SPAG16: variants seen among roughly 807,000 people sequenced by gnomAD.
SPAG16 encodes the protein sperm-associated antigen 16 protein.
SPAG16 carries 86 observed loss-of-function variants against 80.4 expected under a neutral mutation model. That is an observed-to-expected ratio of 1.07 (90% confidence interval 0.90 to 1.28). The LOEUF (loss-of-function observed/expected upper bound fraction) is 1.28, where lower values mean the gene tolerates loss of function less well. Ranked by LOEUF, SPAG16 falls within the 50% of genes most tolerant of loss-of-function variation. The pLI is 0.00. For synonymous variants in SPAG16, 294 were observed against 265.9 expected, an observed-to-expected ratio of 1.11 and a Z score of -1.03; for missense variants, 870 against 765.3, an observed-to-expected ratio of 1.14 and a Z score of -1.61.
At chr2:214,109,536 T>A (rs898103779) in intron 14 of SPAG16, among the ~76,000 whole-genome samples, 8 of 152,216 alleles carry the variant, frequency 5.3e-5, no homozygotes, top group African/African-American at 1.9e-4. Context: ...CAAAATTCTG[T>A]TACCATCCTG....
chr2:213,342,814 A>G (rs2064769751), intron 6 of SPAG16, among the ~76,000 whole-genome samples: 1 of 151,874 alleles, frequency 6.6e-6, no homozygotes, highest in African/African-American at 2.4e-5. Context: ...GAAAATTGGC[A>G]AAGCAGGACC....
At chr2:213,494,887 T>C (rs2125749827) in intron 10 of SPAG16, among the ~76,000 whole-genome samples, 1 of 152,340 alleles carries the variant, frequency 6.6e-6, no homozygotes, top group Non-Finnish European at 1.5e-5. Flanking sequence ...TCCAAGGTCT[T>C]TCCACTACCT....
chr2:213,310,207 T>C, intron 4 of SPAG16, 30 bp downstream of exon 4: 1 of 1,439,204 alleles, frequency 6.9e-7, no homozygotes, highest in Non-Finnish European at 9.7e-7. Flanking sequence ...AATAGTTCTC[T>C]TAAAATTCTA....
At chr2:213,416,029 A>T (rs1258468732) in intron 9 of SPAG16, among the ~76,000 whole-genome samples, 1 of 152,234 alleles carries the variant, frequency 6.6e-6, no homozygotes, top group Non-Finnish European at 1.5e-5. Context: ...AGATGAGATG[A>T]TGGGAATCAG....
At chr2:214,296,914 G>A (rs1413981422) in intron 15 of SPAG16, among the ~76,000 whole-genome samples, 2 of 152,068 alleles carry the variant, frequency 1.3e-5, no homozygotes, top group African/African-American at 4.8e-5. Context: ...AAAAGAATGT[G>A]GCACCTCCCC....
intron 13 of SPAG16, among the ~76,000 whole-genome samples, chr2:214,034,289 G>T (rs1435267556): frequency 6.6e-6 from 1 of 152,176 alleles, no homozygotes; most frequent in Non-Finnish European, 1.5e-5. Context: ...CTACTGTAAA[G>T]CAGAATATTT....
At chr2:213,504,643 A>G (rs1465855225) in intron 10 of SPAG16, among the ~76,000 whole-genome samples, 1 of 152,240 alleles carries the variant, frequency 6.6e-6, no homozygotes, top group Non-Finnish European at 1.5e-5. Context: ...ATTTAAAACA[A>G]CTAGCAAGAA....
At chr2:214,062,016 C>CAT (rs2050287191) in intron 13 of SPAG16, among the ~76,000 whole-genome samples, 1 of 147,206 alleles carries the variant, frequency 6.8e-6, no homozygotes, top group African/African-American at 2.6e-5. Flanking sequence ...CACACACACA[C>CAT]ACACGCAGTG....
chr2:214,223,364 A>G (rs1176175292), intron 15 of SPAG16, among the ~76,000 whole-genome samples: 1 of 152,174 alleles, frequency 6.6e-6, no homozygotes. Context: ...GCACTCTGCA[A>G]TATTTTACAG....
rs12053561 is a variant in SPAG16 at position 213,647,085 on chromosome 2, A to G, written c.1070+156995A>G. Among the ~76,000 whole-genome samples the G allele has an allele frequency of 6.2e-4, 94 of 152,352 alleles. No individual in the cohort carries two copies. The East Asian group carries it at 6.7e-3, about 11-fold the overall frequency. ...AATGGAATAGCAAACAGGCTTCAGA[A>G]GGGTTGTTCTCTTGGGAGAGGGAAC... On this transcript the variant is annotated intron_variant, in intron 10 of 15. Transcript: ENST00000331683.
chr2:214,063,549 A>G (rs2050385306), intron 13 of SPAG16, among the ~76,000 whole-genome samples: 2 of 152,124 alleles, frequency 1.3e-5, no homozygotes, highest in Admixed American at 1.3e-4. Context: ...CACTAATTCC[A>G]TTCATGAAGG....
intron 15 of SPAG16, among the ~76,000 whole-genome samples, chr2:214,199,784 G>T (rs185958581): frequency 1.3e-5 from 2 of 152,206 alleles, no homozygotes; most frequent in Admixed American, 6.6e-5. Context: ...TTTGAGTAGC[G>T]TTTTGTAATT....
At chr2:213,443,215 A>G (rs2071091168) in intron 9 of SPAG16, among the ~76,000 whole-genome samples, 2 of 152,136 alleles carry the variant, frequency 1.3e-5, no homozygotes, top group Admixed American at 1.3e-4. Flanking sequence ...TTAGTATGCA[A>G]TATTATTGAT....
intron 10 of SPAG16, among the ~76,000 whole-genome samples, chr2:213,682,599 T>C (rs1035758081): frequency 6.6e-6 from 1 of 152,138 alleles, no homozygotes; most frequent in Non-Finnish European, 1.5e-5. Context: ...AAGCTCAGAA[T>C]GTTTCTGTGC....
chr2:213,852,487 C>G (rs540520722), intron 10 of SPAG16, among the ~76,000 whole-genome samples: 1 of 152,302 alleles, frequency 6.6e-6, no homozygotes, highest in East Asian at 1.9e-4. Context: ...TCAACACAGT[C>G]CTCCTTGCTT....
chr2:213,296,507 G>A (rs1377427051), intron 2 of SPAG16, among the ~76,000 whole-genome samples: 1 of 152,178 alleles, frequency 6.6e-6, no homozygotes, highest in African/African-American at 2.4e-5. Context: ...CAGCTTAACA[G>A]TATTTCTATC....
intron 9 of SPAG16, among the ~76,000 whole-genome samples, chr2:213,445,765 C>G (rs1489351240): frequency 6.6e-6 from 1 of 152,124 alleles, no homozygotes; most frequent in East Asian, 1.9e-4. Flanking sequence ...CTCACCTCAG[C>G]TAAAATGGCT....
intron 10 of SPAG16, among the ~76,000 whole-genome samples, chr2:213,831,237 A>G (rs552046235): frequency 4.0e-5 from 6 of 151,494 alleles, no homozygotes; most frequent in Admixed American, 1.3e-4. Flanking sequence ...ACGGGGTTTC[A>G]CCATCTTGGC....
chr2:214,330,231 C>A lies in SPAG16; in HGVS notation c.1721-79909C>A, dbSNP rs530079291. Among the ~76,000 whole-genome samples the A allele has an allele frequency of 2.7e-5, 4 of 149,624 alleles. No homozygotes were observed. In the South Asian group the frequency reaches 8.4e-4, roughly 32 times the overall value. On this transcript the variant is annotated intron_variant, in intron 15 of 15. Coordinates refer to ENST00000331683, the MANE Select transcript of SPAG16 (RefSeq NM_024532.5). ...GGTGGAGGTGGCAGTGAGCCGAGAT[C>A]ACGCCATTGCACTCCAGCCTGGGTG...
Sources: gnomAD v4.1 joint callset for allele counts (sites outside exome capture counted in the v4.1 genomes callset) on GRCh38, gnomAD v4.1.1 for gene constraint, MANE v1.5 for transcripts, NCBI Gene and HGNC (gene_info 2026-07-23, HGNC 2026-07-21) for gene names.